The following SZRD1 variants were observed in gnomAD, a reference collection of about 807,000 sequenced individuals.
SZRD1 encodes the protein SUZ RNA binding domain containing 1, also known as SUZ RNA-binding domain-containing.
SZRD1 carries 7 observed loss-of-function variants against 17.6 expected under a neutral mutation model. That is an observed-to-expected ratio of 0.40 (90% CI 0.23 to 0.75). The LOEUF (loss-of-function observed/expected upper bound fraction) is 0.75. Ranked by LOEUF, SZRD1 falls within the 30% of genes least tolerant of loss-of-function variation. SZRD1 has a pLI of 0.38. For synonymous variants in SZRD1, 77 were observed against 77.9 expected, an observed-to-expected ratio of 0.99 and a Z score of 0.06; for missense variants, 178 against 201.8, an observed-to-expected ratio of 0.88 and a Z score of 0.71.
intron 1 of SZRD1, among the ~76,000 whole-genome samples, chr1:16,388,514 AC>A (rs1213888998): frequency 1.3e-5 from 2 of 152,148 alleles, no homozygotes; most frequent in Admixed American, 6.6e-5. Flanking sequence ...CATACTGTTT[AC>A]AAGAGATGCA....
At position 16,393,570 on chromosome 1, in the gene SZRD1, A is replaced by G. The variant is rs2085252074; in HGVS notation, c.356+88A>G. On this transcript the variant is annotated intron_variant, in intron 3 of 3. Coordinates refer to ENST00000401088, the MANE Select transcript of SZRD1 (RefSeq NM_001114600.3). This position sits in a 1 kb window ranked among gnomAD's most constrained non-coding sequence, Gnocchi z 5.6. The stretch of plus-strand genomic sequence containing the variant: ...CATCCTGGCTGCGTGTAGAGTAGTG[A>G]GAAGCAAGCAGAGTCAGGGTAGGAA... 7.3e-7 allele frequency: 1 copy of G among 1,375,550 alleles called. No homozygotes were observed. Among genetic ancestry groups the G allele is most frequent in the African/African-American group, 1.4e-5 (1 of 70,076 alleles). The allele number at this position is 1,375,550 out of a possible 1,614,324, so 85.2% of individuals were successfully genotyped here.
intron 1 of SZRD1, among the ~76,000 whole-genome samples, chr1:16,381,569 A>C (rs79303283): frequency 2.6e-5 from 4 of 151,036 alleles, no homozygotes; most frequent in African/African-American, 9.7e-5. Context: ...AAAAAAAAAA[A>C]AAGATCAGAG....
chr1:16,379,807 C>T (rs1274110497), intron 1 of SZRD1, among the ~76,000 whole-genome samples: 1 of 141,242 alleles, frequency 7.1e-6, no homozygotes, highest in Admixed American at 7.4e-5. Flanking sequence ...GTTGCCCAGG[C>T]TGGAGTGCAG....
chr1:16,370,776 A>C (rs1210045665), intron 1 of SZRD1, among the ~76,000 whole-genome samples: 3 of 152,216 alleles, frequency 2.0e-5, no homozygotes, highest in Non-Finnish European at 4.4e-5. Context: ...TTCTGGGATT[A>C]TAGGCATGAG....
Position 16,369,486 on chromosome 1 carries a change from C to CT in SZRD1, c.51+2186dup, listed in dbSNP as rs539625744. ...CAAGAGTGAACTTCAGAACCTGCTT[C>CT]TTTTTTTTGCCCCCCTTCACCACAG... On this transcript the variant is annotated intron_variant, in intron 1 of 3. Coordinates refer to ENST00000401088, the MANE Select transcript of SZRD1 (RefSeq NM_001114600.3). The CT allele has an allele frequency of 4.8e-4, 460 of 961,560 alleles. 3 individuals carry two copies. In the East Asian group the frequency reaches 8.3e-3, roughly 17 times the overall value. The allele number at this position is 961,560 out of a possible 1,614,324, so 59.6% of individuals were successfully genotyped here.
Position 16,391,691 on chromosome 1 carries a change from A to C in SZRD1, c.101+267A>C, listed in dbSNP as rs1288801770. Among the ~76,000 whole-genome samples the C allele has an allele frequency of 6.6e-6, 1 of 151,994 alleles. No homozygotes were observed. The highest frequency in any genetic ancestry group is 2.4e-5 in the African/African-American group (1 of 41,368). ...ATGTGAGGAAGTGACAAGTTGGAAG[A>C]CTTGAGTTTTAGGCCTGGCAGTGCC... On this transcript the variant is annotated intron_variant, in intron 2 of 3. Coordinates refer to ENST00000401088, the MANE Select transcript of SZRD1 (RefSeq NM_001114600.3). The surrounding 1 kb of genome is among the most constrained non-coding windows in gnomAD (Gnocchi z 4.3).
rs1052073610 is a variant in SZRD1 at position 16,369,894 on chromosome 1, A to AC, written c.51+2586_51+2587insC. Among the ~76,000 whole-genome samples the AC allele has an allele frequency of 2.7e-4, 39 of 142,962 alleles. 1 individual carries two copies. The highest frequency in any genetic ancestry group is 1.0e-3 in the East Asian group (5 of 5,014). 93.8% of individuals were successfully genotyped at this position (142,962 alleles called of 152,430 possible). A position where few individuals can be genotyped will look rare whatever the true frequency, so the allele number is the denominator to read the frequency against. Reference sequence around the variant, plus strand: ...ACAAGAGTGAAACTCCATCAAAAAAAAAAACAAAAAAAAAAAACTACAGAG... The same window carrying AC: ...ACAAGAGTGAAACTCCATCAAAAAAACAAAACAAAAAAAAAAAACTACAGAG... On this transcript the variant is annotated intron_variant, in intron 1 of 3. Coordinates refer to ENST00000401088, the MANE Select transcript of SZRD1 (RefSeq NM_001114600.3).
chr1:16,371,815 C>T (rs1413349633), intron 1 of SZRD1, among the ~76,000 whole-genome samples: 3 of 151,812 alleles, frequency 2.0e-5, no homozygotes, highest in East Asian at 1.9e-4. Flanking sequence ...GTGCAGTGGT[C>T]GGAATACAGC....
chr1:16,380,098 G>A (rs1345719823), intron 1 of SZRD1, among the ~76,000 whole-genome samples: 1 of 152,140 alleles, frequency 6.6e-6, no homozygotes, highest in Non-Finnish European at 1.5e-5. Context: ...TAAACAGTAA[G>A]TGTTTTATAT....
intron 1 of SZRD1, among the ~76,000 whole-genome samples, chr1:16,377,549 A>G (rs1214009465): frequency 1.4e-5 from 2 of 142,642 alleles, no homozygotes; most frequent in Non-Finnish European, 3.1e-5. Context: ...CATGACAGAG[A>G]CAGACTCTGT....
At chr1:16,375,886 G>T (rs896704328) in intron 1 of SZRD1, among the ~76,000 whole-genome samples, 2 of 152,154 alleles carry the variant, frequency 1.3e-5, no homozygotes, top group African/African-American at 4.8e-5. Flanking sequence ...ACAATTCCCA[G>T]CCCAGCCCTT....
At chr1:16,389,021 A>G (rs2085175647) in intron 1 of SZRD1, among the ~76,000 whole-genome samples, 1 of 151,760 alleles carries the variant, frequency 6.6e-6, no homozygotes, top group Non-Finnish European at 1.5e-5. Context: ...AGATTAGAAC[A>G]ATATAGCTAA....
intron 1 of SZRD1, among the ~76,000 whole-genome samples, chr1:16,388,986 TC>T (rs1298498853): frequency 6.6e-6 from 1 of 151,588 alleles, no homozygotes; most frequent in Non-Finnish European, 1.5e-5. Context: ...GGTCAGTAGA[TC>T]AAATGAGTCA....
At chr1:16,386,367 C>G (rs979726685) in intron 1 of SZRD1, among the ~76,000 whole-genome samples, 1 of 152,218 alleles carries the variant, frequency 6.6e-6, no homozygotes, top group Admixed American at 6.5e-5. Context: ...AGTACGATTC[C>G]TTATTTCAGG....
chr1:16,374,156 A>G (rs1045170418), intron 1 of SZRD1, among the ~76,000 whole-genome samples: 10 of 152,208 alleles, frequency 6.6e-5, no homozygotes, highest in Non-Finnish European at 1.3e-4. Context: ...AAAAGAAGGC[A>G]TTTAAGATTT....
intron 1 of SZRD1, among the ~76,000 whole-genome samples, chr1:16,381,942 A>G (rs1329165176): frequency 2.0e-5 from 3 of 152,068 alleles, no homozygotes; most frequent in Non-Finnish European, 4.4e-5. Context: ...AACCAAAAAG[A>G]AAGAAGCTGG....
chr1:16,386,245 A>G lies in SZRD1; in HGVS notation c.52-5130A>G, dbSNP rs369575369. Among the ~76,000 whole-genome samples, 17 of 152,354 alleles carry G rather than the reference A, an allele frequency of 1.1e-4. No individual in the cohort carries two copies. In the East Asian group the frequency reaches 3.1e-3, roughly 28 times the overall value. On this transcript the variant is annotated intron_variant, in intron 1 of 3. Transcript: ENST00000401088. ...CACTTGCCTTGTGCCCACTCACAGCAGTCACAGCGATGGTTTTCTTTGACT... is the reference window on the plus strand; with the variant it reads ...CACTTGCCTTGTGCCCACTCACAGCGGTCACAGCGATGGTTTTCTTTGACT...
At chr1:16,373,590 A>G (rs868478100) in intron 1 of SZRD1, among the ~76,000 whole-genome samples, 1 of 151,832 alleles carries the variant, frequency 6.6e-6, no homozygotes, top group African/African-American at 2.4e-5. Flanking sequence ...AAAAAAAAAA[A>G]AAAAACAAAA....
At chr1:16,379,301 T>C (rs2083054805) in intron 1 of SZRD1, among the ~76,000 whole-genome samples, 1 of 151,672 alleles carries the variant, frequency 6.6e-6, no homozygotes, top group Non-Finnish European at 1.5e-5. Flanking sequence ...TTGTTTTTAG[T>C]AGAGACGGGG....
Sources: allele counts gnomAD v4.1 joint callset (sites outside exome capture counted in the v4.1 genomes callset), GRCh38; gene constraint gnomAD v4.1.1; non-coding constraint Gnocchi (gnomAD v3.1); transcripts MANE v1.5; gene names NCBI Gene and HGNC (gene_info 2026-07-23, HGNC 2026-07-21).